CTNNBL1: variants seen among roughly 807,000 people sequenced by gnomAD.
CTNNBL1 encodes catenin beta like 1, also known as beta-catenin-like protein 1.
A neutral mutation model predicts 72.7 loss-of-function variants in CTNNBL1; 31 were observed. The ratio of observed to expected loss-of-function variants is 0.43; its 90% confidence interval spans 0.32 to 0.58. The LOEUF (loss-of-function observed/expected upper bound fraction) is 0.58. Ranked by LOEUF, CTNNBL1 falls within the 20% of genes least tolerant of loss-of-function variation. The probability of loss-of-function intolerance (pLI) is 0.08; values close to 1 mark genes in which losing one functional copy is unlikely to be tolerated. For synonymous variants in CTNNBL1, 240 were observed against 267.3 expected (o/e 0.90, Z 1.00); for missense variants, 534 against 725.1 (o/e 0.74, Z 3.03).
chr20:37,837,874 C>T (rs1378548872), intron 11 of CTNNBL1, among the ~76,000 whole-genome samples: 1 of 152,132 alleles, frequency 6.6e-6, no homozygotes, highest in African/African-American at 2.4e-5. Flanking sequence ...AAAATATCTG[C>T]CTTCAGGGAA....
intron 2 of CTNNBL1, among the ~76,000 whole-genome samples, chr20:37,736,317 C>T (rs568869988): frequency 7.2e-5 from 11 of 152,318 alleles, no homozygotes; most frequent in African/African-American, 2.4e-4. Flanking sequence ...GGATTTGGCT[C>T]ATGGGCTGCA....
intron 2 of CTNNBL1, among the ~76,000 whole-genome samples, chr20:37,736,508 A>C (rs1029884781): frequency 1.3e-5 from 2 of 152,210 alleles, no homozygotes; most frequent in African/African-American, 2.4e-5. Flanking sequence ...CAGTGTGCTC[A>C]AGAAATATTT....
At chr20:37,728,094 G>A (rs2073100047) in intron 1 of CTNNBL1, among the ~76,000 whole-genome samples, 1 of 152,114 alleles carries the variant, frequency 6.6e-6, no homozygotes, top group Admixed American at 6.5e-5. Context: ...TCAGGGAGCT[G>A]GAACCCTTCA....
At chr20:37,843,311 C>A (rs964243113) in intron 13 of CTNNBL1, among the ~76,000 whole-genome samples, 1 of 152,198 alleles carries the variant, frequency 6.6e-6, no homozygotes, top group Non-Finnish European at 1.5e-5. Flanking sequence ...TAAAGATACA[C>A]TTGAGGCTTT....
chr20:37,777,636 T>A lies in CTNNBL1; in HGVS notation c.824-18T>A. On this transcript the variant is annotated intron_variant, in intron 8 of 15. Transcript: ENST00000361383. ...GTTAGGTTCATTTTTTTTCTTCCTCTATTTTTTTCCCCTTTAGAAAACAGG... is the reference window on the plus strand; with the variant it reads ...GTTAGGTTCATTTTTTTTCTTCCTCAATTTTTTTCCCCTTTAGAAAACAGG... The A allele has an allele frequency of 6.2e-7, 1 of 1,612,566 alleles. No individual in the cohort carries two copies. The highest frequency in any genetic ancestry group is 8.5e-7 in the Non-Finnish European group (1 of 1,178,662).
chr20:37,727,320 G>GCA (rs1568753431), intron 1 of CTNNBL1: 3 of 982,380 alleles, frequency 3.1e-6, no homozygotes, highest in Non-Finnish European at 2.4e-6. Context: ...ATGGAGACAC[G>GCA]CACACACACA....
intron 7 of CTNNBL1, among the ~76,000 whole-genome samples, chr20:37,771,928 G>T (rs2073528327): frequency 6.6e-6 from 1 of 151,790 alleles, no homozygotes. Flanking sequence ...ATAGTACTTT[G>T]CCCCCAGCCT....
chr20:37,799,461 C>T (rs1263250576), intron 10 of CTNNBL1, among the ~76,000 whole-genome samples: 1 of 152,136 alleles, frequency 6.6e-6, no homozygotes, highest in Non-Finnish European at 1.5e-5. Context: ...GCTGTACAGC[C>T]ACCACTCCCA....
At chr20:37,785,875 A>G (rs1404047232) in intron 10 of CTNNBL1, among the ~76,000 whole-genome samples, 1 of 152,074 alleles carries the variant, frequency 6.6e-6, no homozygotes, top group Non-Finnish European at 1.5e-5. Context: ...GTTTGTATTC[A>G]TCCTTCTTGG....
intron 15 of CTNNBL1, among the ~76,000 whole-genome samples, chr20:37,864,321 T>C (rs1046837426): frequency 6.6e-6 from 1 of 152,198 alleles, no homozygotes; most frequent in African/African-American, 2.4e-5. Flanking sequence ...CTTTTTTTCT[T>C]TAACATACTA....
At chr20:37,870,024 A>C (rs2072569365) in intron 15 of CTNNBL1, among the ~76,000 whole-genome samples, 1 of 151,902 alleles carries the variant, frequency 6.6e-6, no homozygotes, top group Admixed American at 6.5e-5. Flanking sequence ...AAAAAAAAAA[A>C]AACAGGGTGA....
At chr20:37,776,583 C>G (rs746904043) in intron 7 of CTNNBL1, among the ~76,000 whole-genome samples, 1 of 152,086 alleles carries the variant, frequency 6.6e-6, no homozygotes, top group Non-Finnish European at 1.5e-5. Flanking sequence ...CCTCTCTATG[C>G]ACCTTTATCC....
chr20:37,758,786 A>G (rs184996663), intron 5 of CTNNBL1, among the ~76,000 whole-genome samples: 1 of 152,320 alleles, frequency 6.6e-6, no homozygotes, highest in African/African-American at 2.4e-5. Flanking sequence ...TTGATCAAAG[A>G]TTACTCCAGC....
intron 15 of CTNNBL1, among the ~76,000 whole-genome samples, chr20:37,861,035 T>C (rs1318988024): frequency 6.6e-6 from 1 of 152,234 alleles, no homozygotes; most frequent in African/African-American, 2.4e-5. Context: ...AGGGGACTAC[T>C]GTAACTGGAA....
chr20:37,777,484 G>A, intron 8 of CTNNBL1, 67 bp downstream of exon 8: 2 of 1,521,076 alleles, frequency 1.3e-6, no homozygotes, highest in East Asian at 2.3e-5. Flanking sequence ...GATCATGACA[G>A]CAAGCTCTCT....
intron 3 of CTNNBL1, among the ~76,000 whole-genome samples, chr20:37,744,318 A>G (rs1232292321): frequency 1.3e-5 from 2 of 152,204 alleles, no homozygotes; most frequent in Non-Finnish European, 2.9e-5. Context: ...ATATATCAAA[A>G]TCTATTTAAG....
At chr20:37,775,276 C>T (rs2073564126) in intron 7 of CTNNBL1, among the ~76,000 whole-genome samples, 1 of 152,102 alleles carries the variant, frequency 6.6e-6, no homozygotes, top group South Asian at 2.1e-4. Context: ...ATCCTTAAAC[C>T]TTAGGATCAG....
At chr20:37,740,395 T>C (rs1292901264) in intron 3 of CTNNBL1, among the ~76,000 whole-genome samples, 2 of 152,196 alleles carry the variant, frequency 1.3e-5, no homozygotes, top group African/African-American at 4.8e-5. Flanking sequence ...ATATATCCAA[T>C]TGTCATTTTG....
At chr20:37,760,032 G>A (rs1475660571) in intron 5 of CTNNBL1, among the ~76,000 whole-genome samples, 1 of 152,230 alleles carries the variant, frequency 6.6e-6, no homozygotes, top group Non-Finnish European at 1.5e-5. Context: ...TGGCACATTT[G>A]TGGGGAAAGA....
Sources: allele counts gnomAD v4.1 joint callset (sites outside exome capture counted in the v4.1 genomes callset), GRCh38; gene constraint gnomAD v4.1.1; transcripts MANE v1.5; gene names NCBI Gene and HGNC (gene_info 2026-07-23, HGNC 2026-07-21).